The following NBPF12 variants were observed in gnomAD, a reference collection of about 807,000 sequenced individuals.
NBPF12 encodes the protein NBPF family member NBPF12.
A neutral mutation model predicts 146.4 loss-of-function variants in NBPF12; 115 were observed. The ratio of observed to expected loss-of-function variants is 0.79; its 90% confidence interval spans 0.68 to 0.92. NBPF12 has a LOEUF of 0.92. Ranked by LOEUF, NBPF12 falls within the 40% of genes least tolerant of loss-of-function variation. The pLI is 0.00. For synonymous variants in NBPF12, 385 were observed against 508.9 expected (o/e 0.76, Z 3.28); for missense variants, 1,205 against 1,326.8 (o/e 0.91, Z 1.43).
Position 146,985,767 on chromosome 1 carries a change from G to A in NBPF12, c.2891+11G>A, listed in dbSNP as rs1203574122. 53,151 of 688,112 alleles carry A rather than the reference G, an allele frequency of 0.077. 1,225 individuals carry two copies. Among genetic ancestry groups the A allele is most frequent in the East Asian group, 0.16 (5,724 of 35,624 alleles). 42.6% of individuals were successfully genotyped at this position (688,112 alleles called of 1,614,324 possible). On this transcript the variant is annotated intron_variant, in intron 23 of 33. Coordinates refer to ENST00000617844, the Ensembl canonical transcript of NBPF12. ...CCCATCATGCCCCAGGTAACTTTGA[G>A]CAATTATGGATGCTTAATTCTGTGT...
intron 16 of NBPF12, among the ~76,000 whole-genome samples, chr1:146,976,693 G>A (rs1471767749): frequency 1.3e-5 from 2 of 151,772 alleles, no homozygotes; most frequent in African/African-American, 4.9e-5. Flanking sequence ...GATATGGGAA[G>A]CAAAAGATCT....
chr1:146,972,591 C>G (rs1421254455), intron 13 of NBPF12, among the ~76,000 whole-genome samples, 160 bp from the exon 17 acceptor site: 5 of 151,428 alleles, frequency 3.3e-5, no homozygotes, highest in African/African-American at 1.2e-4. Context: ...GACAAGTTGA[C>G]TTAAAGGAGA....
At chr1:146,984,753 T>A (rs1374735855) in intron 21 of NBPF12, 60 bp from the exon 25 acceptor site, 1 of 819,372 alleles carries the variant, frequency 1.2e-6, no homozygotes, top group Non-Finnish European at 2.2e-6. Context: ...GAAATCTAGC[T>A]GGGGCTGTGT....
At chr1:146,955,979 G>A (rs1207894571) in intron 2 of NBPF12, among the ~76,000 whole-genome samples, 1 of 147,912 alleles carries the variant, frequency 6.8e-6, no homozygotes, top group African/African-American at 2.5e-5. Context: ...TAAGGGCACT[G>A]GCTTCTTTTT....
At chr1:146,963,982 C>T in intron 6 of NBPF12, among the ~76,000 whole-genome samples, 2 of 130,694 alleles carry the variant, frequency 1.5e-5, no homozygotes, top group Admixed American at 8.1e-5. Context: ...TTTGTCCTCT[C>T]CTAAGAGAAA....
exon 1 of NBPF12, chr1:146,938,903 CG>C (rs1246556550): frequency 4.6e-5 from 7 of 151,956 alleles, no homozygotes; most frequent in South Asian, 2.1e-4. Flanking sequence ...GCGCCAGGAG[CG>C]GGGCCGAGGT....
intron 11 of NBPF12, 80 bp from the exon 15 acceptor site, chr1:146,970,567 A>G: frequency 6.5e-7 from 1 of 1,533,056 alleles, no homozygotes; most frequent in Non-Finnish European, 9.0e-7. Context: ...ATAGATGTTC[A>G]TGTCTCTGTG....
intron 7 of NBPF12, 131 bp downstream of exon 10, chr1:146,964,560 C>A (rs1570844429): frequency 2.0e-6 from 3 of 1,464,424 alleles, no homozygotes; most frequent in Non-Finnish European, 2.9e-6. Context: ...AAATTCAACC[C>A]AGCTTAGACA....
At chr1:146,988,658 C>CAA (rs1657950779) in intron 26 of NBPF12, among the ~76,000 whole-genome samples, 183 bp from the exon 30 acceptor site, 1 of 151,488 alleles carries the variant, frequency 6.6e-6, no homozygotes, top group Admixed American at 6.6e-5. Context: ...CCCAGAGTTT[C>CAA]TGGGAGAAAA....
intron 14 of NBPF12, among the ~76,000 whole-genome samples, chr1:146,973,251 T>G (rs1182984267): frequency 2.0e-5 from 3 of 151,200 alleles, no homozygotes; most frequent in African/African-American, 4.9e-5. Context: ...CAATCGTGTT[T>G]TCAAGAATCC....
At chr1:146,985,824 G>C (rs1336075294) in intron 23 of NBPF12, 68 bp downstream of exon 26, 218,048 of 654,790 alleles carry the variant, frequency 0.33, 61,046 homozygotes, top group East Asian at 0.59. Context: ...CCAGGGAAAA[G>C]AAGAGTGTGT....
intron 1 of NBPF12, among the ~76,000 whole-genome samples, chr1:146,941,758 CAAA>C (rs1226007703): frequency 3.2e-5 from 2 of 61,840 alleles, no homozygotes; most frequent in Middle Eastern, 0.011. Context: ...TGTCTTGTAC[CAAA>C]AAAAAAAAAA....
At chr1:146,961,863 C>T (rs1384065790) in intron 4 of NBPF12, among the ~76,000 whole-genome samples, 3 of 152,164 alleles carry the variant, frequency 2.0e-5, no homozygotes, top group East Asian at 3.9e-4. Context: ...AAAGTGGCCC[C>T]GCATTCAGAG....
At chr1:146,971,923 CA>C (rs1183344325) in intron 13 of NBPF12, among the ~76,000 whole-genome samples, 26,523 of 138,406 alleles carry the variant, frequency 0.19, 2,852 homozygotes, top group Middle Eastern at 0.26. Flanking sequence ...ACTAAAAATA[CA>C]AAAAAAAAAA....
rs1281279768 is a variant in NBPF12 at position 146,963,406 on chromosome 1, T to C, written c.493+97T>C. On this transcript the variant is annotated intron_variant, in intron 6 of 33. Coordinates refer to ENST00000617844, the Ensembl canonical transcript of NBPF12. Reference sequence around the variant, plus strand: ...TGATGACAGTTGTATCAGTGGGGTTTTTTTCTACTACACATATGTGGCCAT... The same window carrying C: ...TGATGACAGTTGTATCAGTGGGGTTCTTTTCTACTACACATATGTGGCCAT... 3 of 1,602,824 alleles carry C rather than the reference T, an allele frequency of 1.9e-6. No homozygotes were observed. In the South Asian group the frequency reaches 3.3e-5, roughly 18 times the overall value.
intron 9 of NBPF12, 30 bp from the exon 13 acceptor site, chr1:146,968,418 A>G (rs1656343596): frequency 2.0e-6 from 3 of 1,536,906 alleles, no homozygotes; most frequent in African/African-American, 2.7e-5. Context: ...CCAGCCTTCC[A>G]CTGATGCAGG....
At chr1:146,993,628 A>G (rs1658320406) in exon 33 of NBPF12, 1 of 44,520 alleles carries the variant, frequency 2.2e-5, no homozygotes, top group Non-Finnish European at 3.4e-5. Flanking sequence ...GGGGAAGAAA[A>G]GAAGGGGAAG....
At chr1:146,951,210 G>C (rs1251966708) in intron 1 of NBPF12, 138 bp from the exon 5 acceptor site, 2 of 621,280 alleles carry the variant, frequency 3.2e-6, no homozygotes, top group African/African-American at 3.7e-5. Context: ...CCTGTGACCA[G>C]TATGAGCTTC....
At position 146,941,772 on chromosome 1, in the gene NBPF12, A is replaced by G. The variant is rs1654817525; in HGVS notation, c.-821-1519A>G. 9.1e-5 allele frequency among the ~76,000 whole-genome samples: 13 copies of G among 142,088 alleles called. 1 individual carries two copies. Among genetic ancestry groups the G allele is most frequent in the Non-Finnish European group, 1.8e-4 (12 of 65,130 alleles). The allele number at this position is 142,088 out of a possible 152,430, so 93.2% of individuals were successfully genotyped here. A position where few individuals can be genotyped will look rare whatever the true frequency, so the allele number is the denominator to read the frequency against. On this transcript the variant is annotated intron_variant, in intron 1 of 35. Coordinates refer to the NBPF12 transcript ENST00000617931. ...CTGTCTTGTACCAAAAAAAAAAAAAAAAAAAAGAAAGAAAAAAGAAATCAA... is the reference window on the plus strand; with the variant it reads ...CTGTCTTGTACCAAAAAAAAAAAAAGAAAAAAGAAAGAAAAAAGAAATCAA...
Sources: allele counts gnomAD v4.1 joint callset (sites outside exome capture counted in the v4.1 genomes callset), GRCh38; gene constraint gnomAD v4.1.1; transcripts MANE v1.5; gene names NCBI Gene and HGNC (gene_info 2026-07-23, HGNC 2026-07-21).